The following SYT16 variants were observed in gnomAD, a reference collection of about 807,000 sequenced individuals.
SYT16 encodes the protein synaptotagmin 16.
SYT16 carries 42 observed loss-of-function variants against 61.4 expected under a neutral mutation model. The observed-to-expected ratio is 0.68, with a 90% confidence interval of 0.53 to 0.89. SYT16 has a LOEUF of 0.89. Ranked by LOEUF, SYT16 falls within the 40% of genes least tolerant of loss-of-function variation. The pLI is 0.00. For missense variants in SYT16, 804 were observed against 807.3 expected (o/e 1.00, Z 0.05); for synonymous variants, 314 against 302.3 (o/e 1.04, Z -0.40).
intron 1 of SYT16, among the ~76,000 whole-genome samples, chr14:61,836,505 C>T (rs2140244756): frequency 6.6e-6 from 1 of 152,352 alleles, no homozygotes; most frequent in South Asian, 2.1e-4. Flanking sequence ...TGTGCACCTT[C>T]TGAAATCCTG....
rs1006788802 is a variant in SYT16, at chr14:62,075,233, G to T, written c.835G>T (p.Asp279Tyr). 2 of 1,613,816 alleles carry T rather than the reference G, an allele frequency of 1.2e-6. No homozygotes were observed. The highest frequency in any genetic ancestry group is 1.7e-6 in the Non-Finnish European group (2 of 1,179,808). The change falls in exon 5 of 8, where the codon GAT becomes TAT. Residue 279 changes from aspartate (D) to tyrosine (Y), a missense_variant. Asp to Tyr is a radical substitution (Grantham distance 160). Coordinates refer to ENST00000683842, the MANE Select transcript of SYT16 (RefSeq NM_001367656.1). Reference protein sequence around the residue: ...AHSQSPCERGDAKHHGTSHQE... With the variant: ...AHSQSPCERGYAKHHGTSHQE... ...CTCACAGTCCCCATGTGAAAGAGGG[G>T]ATGCCAAACACCACGGCACATCTCA...
At chr14:61,927,771 G>A (rs529925300) in intron 1 of SYT16, among the ~76,000 whole-genome samples, 1 of 152,230 alleles carries the variant, frequency 6.6e-6, no homozygotes, top group South Asian at 2.1e-4. Context: ...TGCACAGTTG[G>A]GGTACGTATT....
intron 2 of SYT16, among the ~76,000 whole-genome samples, chr14:61,977,291 C>G (rs1283397323): frequency 6.6e-6 from 1 of 152,142 alleles, no homozygotes; most frequent in East Asian, 1.9e-4. Context: ...AGCAGTACCC[C>G]ACTCTTGGCA....
chr14:62,051,910 T>C (rs1050915702), intron 3 of SYT16, among the ~76,000 whole-genome samples: 33 of 152,306 alleles, frequency 2.2e-4, no homozygotes, highest in African/African-American at 7.9e-4. Flanking sequence ...CACACACCTG[T>C]AGTCTCAGTT....
At chr14:62,052,312 T>C (rs7160936) in intron 3 of SYT16, among the ~76,000 whole-genome samples, 1 of 152,032 alleles carries the variant, frequency 6.6e-6, no homozygotes, top group South Asian at 2.1e-4. Context: ...ATTCCAATTA[T>C]GGCTTTTTCT....
At chr14:61,939,787 C>T (rs767497857) in intron 1 of SYT16, among the ~76,000 whole-genome samples, 5 of 152,088 alleles carry the variant, frequency 3.3e-5, no homozygotes, top group Admixed American at 6.6e-5. Flanking sequence ...AGAAAAAGGA[C>T]GAATGGAAGG....
At chr14:61,912,253 GA>G (rs1283398134) in intron 1 of SYT16, among the ~76,000 whole-genome samples, 2 of 152,160 alleles carry the variant, frequency 1.3e-5, no homozygotes, top group African/African-American at 4.8e-5. Flanking sequence ...AATTATGCAT[GA>G]AAAAGGGGGA....
At position 61,969,928 on chromosome 14, in the gene SYT16, C is replaced by T. The variant is rs560293660; in HGVS notation, c.-324-204C>T. The stretch of plus-strand genomic sequence containing the variant: ...TCTCTCATCTGAGGAGCCAGCATCA[C>T]AGGATGTACTGGCCAACAGTCCTTT... On this transcript the variant is annotated intron_variant, in intron 1 of 7. Transcript: ENST00000683842. 5.3e-5 allele frequency among the ~76,000 whole-genome samples: 8 copies of T among 152,324 alleles called. No individual in the cohort carries two copies. The South Asian group carries it at 1.7e-3, about 32-fold the overall frequency.
intron 7 of SYT16, among the ~76,000 whole-genome samples, chr14:62,085,095 C>T (rs1013198731): frequency 6.6e-6 from 1 of 152,108 alleles, no homozygotes; most frequent in Non-Finnish European, 1.5e-5. Flanking sequence ...AGCTGCAGTC[C>T]AAGGTTCAGA....
At position 62,112,011 on chromosome 14, in the gene SYT16, G is replaced by A. The variant is rs1278321265; in HGVS notation, c.*11304G>A. On this transcript the variant is annotated 3_prime_UTR_variant, in exon 8 of 8. Coordinates refer to ENST00000683842, the MANE Select transcript of SYT16 (RefSeq NM_001367656.1). ...TCTATCAGTGGATAATTTGTGTATA[G>A]GAAAAGGTGTGGAAATTTTTTAATT... 4 of 152,048 alleles carry A rather than the reference G, an allele frequency of 2.6e-5. No individual in the cohort carries two copies. The highest frequency in any genetic ancestry group is 6.6e-5 in the Admixed American group (1 of 15,260). 9.4% of individuals were successfully genotyped at this position (152,048 alleles called of 1,614,324 possible).
intron 3 of SYT16, 68 bp downstream of exon 3, chr14:61,996,610 T>A: frequency 6.6e-7 from 1 of 1,504,578 alleles, no homozygotes; most frequent in Non-Finnish European, 8.9e-7. Flanking sequence ...TTATTTTGAC[T>A]TGTTTTTAGT....
intron 1 of SYT16, among the ~76,000 whole-genome samples, chr14:61,856,034 T>C (rs981736748): frequency 6.6e-6 from 1 of 152,114 alleles, no homozygotes; most frequent in Non-Finnish European, 1.5e-5. Flanking sequence ...TGTGGTGTGG[T>C]TGAGGGATGG....
At chr14:62,080,562 T>C (rs747737003) in intron 5 of SYT16, among the ~76,000 whole-genome samples, 1 of 152,224 alleles carries the variant, frequency 6.6e-6, no homozygotes, top group Non-Finnish European at 1.5e-5. Flanking sequence ...TGAGAGGCAG[T>C]ATATATGAAA....
At chr14:61,927,853 G>A (rs538295878) in intron 1 of SYT16, among the ~76,000 whole-genome samples, 2 of 152,290 alleles carry the variant, frequency 1.3e-5, no homozygotes, top group South Asian at 2.1e-4. Flanking sequence ...AGTGTCAGAA[G>A]GGGAGGTGGA....
intron 7 of SYT16, among the ~76,000 whole-genome samples, chr14:62,091,887 C>T (rs970099631): frequency 6.6e-6 from 1 of 151,982 alleles, no homozygotes; most frequent in Non-Finnish European, 1.5e-5. Context: ...TTTTGTGCAT[C>T]AAAAGATAAT....
intron 1 of SYT16, among the ~76,000 whole-genome samples, chr14:61,893,846 A>G (rs570254654): frequency 1.3e-5 from 2 of 152,300 alleles, no homozygotes; most frequent in East Asian, 3.9e-4. Context: ...ATGTCCCCCG[A>G]TTCTGCATCT....
intron 6 of SYT16, among the ~76,000 whole-genome samples, chr14:62,081,531 A>T (rs1358360848): frequency 1.3e-5 from 2 of 152,150 alleles, no homozygotes; most frequent in African/African-American, 4.8e-5. Flanking sequence ...GAGGGCATGG[A>T]GAAAAACAGG....
At position 62,000,098 on chromosome 14, in the gene SYT16, G is replaced by GGTTTTTTTTTTTTTTTTTTTTT. The variant is rs1566751979; in HGVS notation, c.523+3556_523+3557insGTTTTTTTTTTTTTTTTTTTTT. 1.1e-4 allele frequency among the ~76,000 whole-genome samples: 4 copies of GGTTTTTTTTTTTTTTTTTTTTT among 35,518 alleles called. 1 individual carries two copies. Among genetic ancestry groups the GGTTTTTTTTTTTTTTTTTTTTT allele is most frequent in the South Asian group, 2.4e-3 (2 of 830 alleles). 23.3% of individuals were successfully genotyped at this position (35,518 alleles called of 152,430 possible). The stretch of plus-strand genomic sequence containing the variant: ...TTTTCTAATACTTATTTTGTCTCTC[G>GGTTTTTTTTTTTTTTTTTTTTT]ATTTTTTTTTTTTTTTTTTTTTTTT... On this transcript the variant is annotated intron_variant, in intron 3 of 7. Transcript: ENST00000683842.
chr14:61,869,135 T>A (rs1193856735), intron 1 of SYT16, among the ~76,000 whole-genome samples: 1 of 152,090 alleles, frequency 6.6e-6, no homozygotes, highest in Non-Finnish European at 1.5e-5. Context: ...CTTTTTTCTA[T>A]CTTTTTTACT....
Sources: allele counts gnomAD v4.1 joint callset (sites outside exome capture counted in the v4.1 genomes callset), GRCh38; gene constraint gnomAD v4.1.1; transcripts MANE v1.5; gene names NCBI Gene and HGNC (gene_info 2026-07-23, HGNC 2026-07-21).